The following DYRK4 variants were observed in gnomAD, a reference collection of about 807,000 sequenced individuals.
The protein encoded by DYRK4 is dual specificity tyrosine phosphorylation regulated kinase 4.
DYRK4 carries 64 observed loss-of-function variants against 68.3 expected under a neutral mutation model. The observed-to-expected ratio is 0.94, with a 90% CI of 0.77 to 1.15. DYRK4 has a LOEUF of 1.15. Ranked by LOEUF, DYRK4 falls within the 50% of genes most tolerant of loss-of-function variation. The pLI, the probability that DYRK4 is intolerant of heterozygous loss-of-function variation, is 0.00. For synonymous variants in DYRK4, 274 were observed against 289.9 expected, an observed-to-expected ratio of 0.95 and a Z score of 0.56; for missense variants, 740 against 764.7, an observed-to-expected ratio of 0.97 and a Z score of 0.38.
chr12:4,585,536 C>A (rs1944887558), intron 2 of DYRK4, among the ~76,000 whole-genome samples: 1 of 152,090 alleles, frequency 6.6e-6, no homozygotes. Flanking sequence ...GGACAAAAAA[C>A]CAAACACCGC....
In DYRK4 at chr12:4,583,386, C is replaced by T. The variant is rs143799793; in HGVS notation, c.133-5551C>T. Among the ~76,000 whole-genome samples the T allele has an allele frequency of 2.5e-3, 381 of 152,078 alleles. 3 individuals carry two copies. The highest frequency in any genetic ancestry group is 8.7e-3 in the African/African-American group (362 of 41,458). On this transcript the variant is annotated intron_variant, in intron 2 of 14. Transcript: ENST00000543431. ...CCCCAACGCCATGTGACCCAGTCCA[C>T]GTCCCCATCGTTCACCCGCATTTGG...
At chr12:4,607,268 C>A in intron 11 of DYRK4, 59 bp from the exon 12 acceptor site, 1 of 1,605,792 alleles carries the variant, frequency 6.2e-7, no homozygotes, top group Non-Finnish European at 8.5e-7. Context: ...CGCTCCACCC[C>A]TCAGCCTTTG....
At chr12:4,606,679 G>T (rs1259596032) in intron 11 of DYRK4, among the ~76,000 whole-genome samples, 2 of 152,096 alleles carry the variant, frequency 1.3e-5, no homozygotes, top group African/African-American at 2.4e-5. Context: ...AGAGAACGGG[G>T]CCTATGTTTC....
chr12:4,567,865 C>A, intron 1 of DYRK4, 90 bp from the exon 2 acceptor site: 1 of 1,147,414 alleles, frequency 8.7e-7, no homozygotes, highest in Non-Finnish European at 1.2e-6. Flanking sequence ...TTTCTTCAAA[C>A]CTGCCTGCTT....
chr12:4,599,850 A>G (rs962618298), intron 10 of DYRK4, 62 bp downstream of exon 10: 4 of 1,422,046 alleles, frequency 2.8e-6, no homozygotes, highest in Non-Finnish European at 4.0e-6. Flanking sequence ...CCCTTCACAT[A>G]CAAGGTCACC....
At chr12:4,588,560 C>A (rs17774040) in intron 2 of DYRK4, among the ~76,000 whole-genome samples, 38,649 of 152,076 alleles carry the variant, frequency 0.25, 5,407 homozygotes, top group East Asian at 0.33. Flanking sequence ...ACACTCAGGG[C>A]GAAAAGACTT....
intron 13 of DYRK4, among the ~76,000 whole-genome samples, chr12:4,610,689 A>G (rs555490623): frequency 6.6e-6 from 1 of 152,324 alleles, no homozygotes; most frequent in East Asian, 1.9e-4. Context: ...TGATTTGCAT[A>G]CACATCCAGT....
At chr12:4,564,339 A>C (rs936263580) in intron 1 of DYRK4, 3 of 151,942 alleles carry the variant, frequency 2.0e-5, no homozygotes, top group Non-Finnish European at 4.4e-5. Context: ...TAAAAAATGA[A>C]TGTAACTTAA....
At chr12:4,605,498 T>A (rs1307678468) in intron 11 of DYRK4, among the ~76,000 whole-genome samples, 2 of 152,308 alleles carry the variant, frequency 1.3e-5, no homozygotes, top group Admixed American at 6.5e-5. Flanking sequence ...TACTCTTTTT[T>A]CTACTTCCTC....
At chr12:4,581,332 T>G (rs966222977) in intron 2 of DYRK4, among the ~76,000 whole-genome samples, 1 of 152,212 alleles carries the variant, frequency 6.6e-6, no homozygotes, top group Non-Finnish European at 1.5e-5. Context: ...TCAGTGCGGT[T>G]TGTAATGGGA....
At chr12:4,578,136 G>A (rs778740478) in intron 2 of DYRK4, among the ~76,000 whole-genome samples, 6 of 152,134 alleles carry the variant, frequency 3.9e-5, no homozygotes, top group Non-Finnish European at 8.8e-5. Flanking sequence ...TACAGGTATT[G>A]CCTTCTAAAA....
chr12:4,607,351 T>C lies in DYRK4; in HGVS notation c.1324T>C (p.Phe442Leu). The C allele has an allele frequency of 5.6e-6, 9 of 1,614,264 alleles. No homozygotes were observed. Among genetic ancestry groups the C allele is most frequent in the Non-Finnish European group, 7.6e-6 (9 of 1,180,040 alleles). The change falls in exon 12 of 15, where the codon TTC (phenylalanine) becomes CTC (leucine). Residue 442 changes from phenylalanine to leucine, a missense_variant. Phe to Leu is a conservative substitution (Grantham distance 22, BLOSUM62 0). Around this residue, in one of 3 missense-constraint regions of DYRK4, gnomAD observed 614 missense variants for 603.7 expected, o/e 1.02. Coordinates refer to ENST00000543431, the MANE Select transcript of DYRK4 (RefSeq NM_001394779.1). ...MEVLGLPPAG[F>L]IQTASRRQTF... Reference sequence around the variant, plus strand: ...GGTGCTGGGTCTGCCGCCAGCCGGCTTCATTCAGACAGCCTCCAGGAGACA... The same window carrying C: ...GGTGCTGGGTCTGCCGCCAGCCGGCCTCATTCAGACAGCCTCCAGGAGACA...
chr12:4,592,906 G>C, intron 5 of DYRK4, 96 bp from the exon 6 acceptor site: 2 of 1,485,280 alleles, frequency 1.3e-6, no homozygotes, highest in Admixed American at 4.1e-5. Context: ...GGAACAGGCT[G>C]ATGGCTCGTG....
Position 4,591,254 on chromosome 12 carries a change from A to T in DYRK4, c.419A>T (p.Glu140Val). 1 of 1,614,160 alleles carries T rather than the reference A, an allele frequency of 6.2e-7. No homozygotes were observed. The highest frequency in any genetic ancestry group is 8.5e-7 in the Non-Finnish European group (1 of 1,180,012). ...ATTAAAACCCAGGATCCCAAGGCAG[A>T]GGAGAAGTCACCAAAGAAGCAAAAG... ...PSIKTQDPKA[E>V]EKSPKKQKVT... The change falls in exon 5 of 15, where the codon GAG (glutamate) becomes GTG (valine). Residue 140 changes from glutamate (E) to valine (V), a missense_variant. Physicochemically the swap from Glu to Val is moderately radical, Grantham distance 121. This residue lies in a region of DYRK4 where 614 missense variants were observed against 603.7 expected (regional missense o/e 1.02). Transcript: ENST00000543431. The surrounding 1 kb of genome is among the most constrained non-coding windows in gnomAD (Gnocchi z 4.1).
At chr12:4,571,410 G>A (rs1944729213) in intron 2 of DYRK4, among the ~76,000 whole-genome samples, 2 of 152,144 alleles carry the variant, frequency 1.3e-5, no homozygotes, top group Non-Finnish European at 2.9e-5. Flanking sequence ...TTGTTTACTT[G>A]TTTATTGTCT....
Position 4,591,053 on chromosome 12 carries a change from A to G in DYRK4, c.325-107A>G. 7.6e-7 allele frequency: 1 copy of G among 1,312,168 alleles called. No individual in the cohort carries two copies. The highest frequency in any genetic ancestry group is 1.5e-5 in the South Asian group (1 of 67,884). 81.3% of individuals were successfully genotyped at this position (1,312,168 alleles called of 1,614,324 possible). A position where few individuals can be genotyped will look rare whatever the true frequency, so the allele number is the denominator to read the frequency against. Reference sequence around the variant, plus strand: ...ATCGCTGTTTTCTCCCTGGAGAGGTAGGTAAAGAGCCTGGCTGAAGGTGGG... The same window carrying G: ...ATCGCTGTTTTCTCCCTGGAGAGGTGGGTAAAGAGCCTGGCTGAAGGTGGG... On this transcript the variant is annotated intron_variant, in intron 4 of 14. Transcript: ENST00000543431. This position sits in a 1 kb window ranked among gnomAD's most constrained non-coding sequence, Gnocchi z 4.1.
At chr12:4,599,273 T>A in intron 9 of DYRK4, 107 bp downstream of exon 9, 1 of 686,454 alleles carries the variant, frequency 1.5e-6, no homozygotes, top group Non-Finnish European at 2.0e-6. Flanking sequence ...CCTTTGACTT[T>A]TTTTTTTTTT....
intron 11 of DYRK4, among the ~76,000 whole-genome samples, chr12:4,606,886 A>G (rs1945158221): frequency 6.6e-6 from 1 of 152,220 alleles, no homozygotes; most frequent in Non-Finnish European, 1.5e-5. Flanking sequence ...AGTAGGTGCT[A>G]CACTTTTCTT....
chr12:4,595,675 T>G (rs1276343642), intron 6 of DYRK4, among the ~76,000 whole-genome samples: 1 of 152,196 alleles, frequency 6.6e-6, no homozygotes, highest in Non-Finnish European at 1.5e-5. Flanking sequence ...CCTTCTCTAA[T>G]TGATAGAGAC....
Sources: allele counts gnomAD v4.1 joint callset (sites outside exome capture counted in the v4.1 genomes callset), GRCh38; gene constraint gnomAD v4.1.1; regional missense constraint gnomAD v4.1.1; non-coding constraint Gnocchi (gnomAD v3.1); transcripts MANE v1.5; gene names NCBI Gene and HGNC (gene_info 2026-07-23, HGNC 2026-07-21).